COL9A1: variants seen among roughly 807,000 people sequenced by gnomAD.
The protein encoded by COL9A1 is collagen type IX alpha 1 chain, also known as collagen alpha-1(IX) chain.
In COL9A1, 104 loss-of-function variants were observed where a neutral mutation model predicts 142.6. The observed-to-expected ratio is 0.73, with a 90% CI of 0.62 to 0.86. COL9A1 has a LOEUF of 0.86. Ranked by LOEUF, COL9A1 falls within the 40% of genes least tolerant of loss-of-function variation. The probability of loss-of-function intolerance (pLI) is 0.00; values close to 1 mark genes in which losing one functional copy is unlikely to be tolerated. For synonymous variants in COL9A1, 466 were observed against 396.0 expected (o/e 1.18, Z -2.10); for missense variants, 1,210 against 1,176.6 (o/e 1.03, Z -0.42).
intron 37 of COL9A1, among the ~76,000 whole-genome samples, chr6:70,219,820 C>T (rs1411355705): frequency 6.6e-6 from 1 of 152,124 alleles, no homozygotes; most frequent in Non-Finnish European, 1.5e-5. Flanking sequence ...GCAACTAATT[C>T]AAATTTTTTT....
At chr6:70,261,677 G>A (rs1268222812) in intron 19 of COL9A1, among the ~76,000 whole-genome samples, 1 of 152,162 alleles carries the variant, frequency 6.6e-6, no homozygotes, top group Non-Finnish European at 1.5e-5. Context: ...ATCCAGTTTA[G>A]GATATCCATT....
chr6:70,255,349 G>A lies in COL9A1; in HGVS notation c.1545C>T (p.Pro515=), dbSNP rs1355500985. Residue 515 remains proline, a synonymous_variant, in exon 22 of 38, where the codon CCC becomes CCT. Transcript: ENST00000357250. ...AATTTAAACTCACTCTATCTCCTTT[G>A]GGACCTGCTTCTCCTGGAGGTCCTC... The part of the protein sequence containing the change: ...GQRGPPGEAG[P]KGDRGAEGAR... The A allele has an allele frequency of 6.2e-7, 1 of 1,614,028 alleles. No individual in the cohort carries two copies. The highest frequency in any genetic ancestry group is 1.3e-5 in the African/African-American group (1 of 74,928).
chr6:70,226,035 T>G, intron 36 of COL9A1, 26 bp from the exon 37 acceptor site: 1 of 1,573,020 alleles, frequency 6.4e-7, no homozygotes. Flanking sequence ...GAAATGTTAT[T>G]TTTCTACATA....
rs1016051825 is a variant in COL9A1, at chr6:70,216,171, A to C, written c.*726T>G. On this transcript the variant is annotated 3_prime_UTR_variant, in exon 38 of 38. Coordinates refer to ENST00000357250, the MANE Select transcript of COL9A1 (RefSeq NM_001851.6). ...CTTCTTTGGTACAACCAGAGATGTT[A>C]CCTCAAACCTTTAAAATAAATAATC... 6.5e-6 allele frequency: 1 copy of C among 152,672 alleles called. No individual in the cohort carries two copies. Among genetic ancestry groups the C allele is most frequent in the African/African-American group, 2.4e-5 (1 of 41,466 alleles). The allele number at this position is 152,672 out of a possible 1,614,324, so 9.5% of individuals were successfully genotyped here. A position where few individuals can be genotyped will look rare whatever the true frequency, so the allele number is the denominator to read the frequency against.
chr6:70,289,780 C>A (rs569785915), intron 5 of COL9A1, among the ~76,000 whole-genome samples: 1 of 152,210 alleles, frequency 6.6e-6, no homozygotes, highest in Admixed American at 6.5e-5. Flanking sequence ...TCCTAAATCA[C>A]CAGAAACACA....
intron 28 of COL9A1, 115 bp downstream of exon 28, chr6:70,252,005 C>G (rs1770974636): frequency 9.3e-7 from 1 of 1,080,836 alleles, no homozygotes; most frequent in African/African-American, 1.5e-5. Flanking sequence ...GTGTCTTGGA[C>G]TAGCATGGGC....
rs746588505 is a variant in COL9A1 at position 70,263,249 on chromosome 6, G to T, written c.1390C>A (p.Pro464Thr). The T allele has an allele frequency of 3.7e-6, 6 of 1,604,816 alleles. No homozygotes were observed. In the South Asian group the frequency reaches 6.7e-5, roughly 18 times the overall value. Residue 464 changes from proline to threonine, a missense_variant, in exon 19 of 38, where the codon CCT (proline) becomes ACT (threonine). Coordinates refer to ENST00000357250, the MANE Select transcript of COL9A1 (RefSeq NM_001851.6). Reference protein sequence around the residue: ...GELGEVGAQGPPGAQGLRGIT... With the variant: ...GELGEVGAQGTPGAQGLRGIT... Reference sequence around the variant, plus strand: ...TTTTTTAAAAAATACTTTACTGGAGGTCCTTGAGCTCCAACTTCTCCGAGT... The same window carrying T: ...TTTTTTAAAAAATACTTTACTGGAGTTCCTTGAGCTCCAACTTCTCCGAGT...
chr6:70,219,728 T>G (rs1229773265), intron 37 of COL9A1, among the ~76,000 whole-genome samples: 1 of 152,210 alleles, frequency 6.6e-6, no homozygotes, highest in African/African-American at 2.4e-5. Flanking sequence ...TACAGGCCAG[T>G]GTTGCCAGAA....
chr6:70,273,622 A>G (rs183126707), intron 12 of COL9A1, among the ~76,000 whole-genome samples: 2 of 152,302 alleles, frequency 1.3e-5, no homozygotes, highest in African/African-American at 4.8e-5. Context: ...CAGGCAAGTG[A>G]TAATATCTGA....
chr6:70,271,433 G>A (rs1457171776), intron 14 of COL9A1, among the ~76,000 whole-genome samples: 1 of 152,144 alleles, frequency 6.6e-6, no homozygotes, highest in Non-Finnish European at 1.5e-5. Context: ...CAATCTGGAA[G>A]TTGGGAAGAA....
chr6:70,253,500 C>T (rs1771082794), intron 25 of COL9A1, 71 bp from the exon 26 acceptor site: 2 of 1,064,012 alleles, frequency 1.9e-6, no homozygotes, highest in Non-Finnish European at 2.9e-6. Flanking sequence ...AAGCCCACTG[C>T]ACACTGCAGG....
In COL9A1 at chr6:70,294,282, A is replaced by G. The variant is rs1773764858; in HGVS notation, c.581T>C (p.Leu194Pro). 6.2e-7 allele frequency: 1 copy of G among 1,614,098 alleles called. No individual in the cohort carries two copies. The change falls in exon 5 of 38, where the codon CTT (leucine) becomes CCT (proline). Residue 194 changes from leucine (L) to proline (P), a missense_variant. Physicochemically the swap from Leu to Pro is moderately conservative, Grantham distance 98. Transcript: ENST00000357250. Reference sequence around the variant, plus strand: ...TTCAATCCTGTTGCAGTCAACAAAAAGAGTAGCACTACTCCTCTCCACGCC... The same window carrying G: ...TTCAATCCTGTTGCAGTCAACAAAAGGAGTAGCACTACTCCTCTCCACGCC... ...MIGVERSSAT[L>P]FVDCNRIESL...
chr6:70,233,405 A>G (rs1312762582), intron 35 of COL9A1, among the ~76,000 whole-genome samples: 1 of 152,216 alleles, frequency 6.6e-6, no homozygotes, highest in East Asian at 1.9e-4. Context: ...TAGTCTTAAA[A>G]ATTAATAACT....
chr6:70,295,640 T>A (rs1773826482), intron 4 of COL9A1, among the ~76,000 whole-genome samples: 1 of 152,158 alleles, frequency 6.6e-6, no homozygotes, highest in Non-Finnish European at 1.5e-5. Flanking sequence ...ACTCCTTTAC[T>A]GCTTTAAATG....
intron 35 of COL9A1, among the ~76,000 whole-genome samples, chr6:70,234,299 C>CAAAAAAAAA (rs1376237848): frequency 1.5e-5 from 2 of 132,020 alleles, no homozygotes; most frequent in Non-Finnish European, 3.5e-5. Context: ...AAAAACAAAA[C>CAAAAAAAAA]AAAACAAAAA....
intron 11 of COL9A1, 150 bp downstream of exon 11, chr6:70,274,569 T>C: frequency 1.4e-6 from 1 of 714,266 alleles, no homozygotes; most frequent in Non-Finnish European, 2.5e-6. Context: ...TGCATAGTAT[T>C]CCACATCATG....
rs1769772915 is a variant in COL9A1 at position 70,234,547 on chromosome 6, A to G, written c.2306T>C (p.Val769Ala). 1 of 1,613,980 alleles carries G rather than the reference A, an allele frequency of 6.2e-7. No homozygotes were observed. The highest frequency in any genetic ancestry group is 1.1e-5 in the South Asian group (1 of 91,086). Reference sequence around the variant, plus strand: ...CATTGTGATTTATTTACCTTGTATGACTCTCATGCAAACCTGCTTAATGTG... The same window carrying G: ...CATTGTGATTTATTTACCTTGTATGGCTCTCATGCAAACCTGCTTAATGTG... ...DQHIKQVCMR[V>A]IQEHFAEMAA... The change falls in exon 35 of 38, where the codon GTC (valine) becomes GCC (alanine). Residue 769 changes from valine to alanine, a missense_variant. Coordinates refer to ENST00000357250, the MANE Select transcript of COL9A1 (RefSeq NM_001851.6).
intron 19 of COL9A1, 173 bp from the exon 20 acceptor site, chr6:70,260,883 ATTC>A (rs1771638950): frequency 1.0e-5 from 6 of 587,528 alleles, no homozygotes; most frequent in Non-Finnish European, 1.7e-5. Context: ...TCCAAGGAGA[ATTC>A]TTCTGATGGT....
chr6:70,265,626 A>G (rs1022467247), intron 18 of COL9A1, among the ~76,000 whole-genome samples: 2 of 152,004 alleles, frequency 1.3e-5, no homozygotes, highest in African/African-American at 2.4e-5. Flanking sequence ...ATGATCATAC[A>G]GAGAAATTTC....
Sources: allele counts gnomAD v4.1 joint callset (sites outside exome capture counted in the v4.1 genomes callset), GRCh38; gene constraint gnomAD v4.1.1; transcripts MANE v1.5; gene names NCBI Gene and HGNC (gene_info 2026-07-23, HGNC 2026-07-21).